Variants in ZNF529 observed in about 807,000 individuals in gnomAD.
ZNF529 encodes zinc finger protein 529.
Under a neutral mutation model 10.1 loss-of-function variants are expected in ZNF529, and 11 were observed. That is an observed-to-expected ratio of 1.09 (90% confidence interval 0.69 to 1.81). The LOEUF (loss-of-function observed/expected upper bound fraction) is 1.81. Ranked by LOEUF, ZNF529 falls within the 40% of genes most tolerant of loss-of-function variation. The probability of loss-of-function intolerance (pLI) is 0.00; values close to 1 mark genes in which losing one functional copy is unlikely to be tolerated. For synonymous variants in ZNF529, 204 were observed against 215.7 expected (o/e 0.95, Z 0.47); for missense variants, 624 against 666.8 (o/e 0.94, Z 0.71).
chr19:36,574,883 A>C (rs1443635058), upstream of ZNF529: 3 of 471,186 alleles, frequency 6.4e-6, no homozygotes, highest in African/African-American at 2.0e-5. Flanking sequence ...ATTTAGAAGA[A>C]AAGTTGCTGG....
intron 1 of ZNF529, among the ~76,000 whole-genome samples, chr19:36,598,040 C>T (rs932194243): frequency 5.3e-5 from 8 of 152,128 alleles, no homozygotes; most frequent in African/African-American, 1.9e-4. Context: ...CAAAGACACA[C>T]GTTCCTAGAG....
rs764627640 is a variant in ZNF529 at position 36,546,746 on chromosome 19, T to C, written c.*120A>G. ...TCTACGTCTACATACAGAATGACCATGAAGTCTAAAAACAGACTTTAAGAG... is the reference window on the plus strand; with the variant it reads ...TCTACGTCTACATACAGAATGACCACGAAGTCTAAAAACAGACTTTAAGAG... On this transcript the variant is annotated 3_prime_UTR_variant, in exon 5 of 5. Transcript: ENST00000591340. 2.5e-5 allele frequency: 26 copies of C among 1,053,892 alleles called. No homozygotes were observed. The highest frequency in any genetic ancestry group is 3.4e-5 in the Non-Finnish European group (25 of 736,004). The allele number at this position is 1,053,892 out of a possible 1,614,324, so 65.3% of individuals were successfully genotyped here. A position where few individuals can be genotyped will look rare whatever the true frequency, so the allele number is the denominator to read the frequency against.
At chr19:36,575,358 C>G (rs908210447), upstream of ZNF529, among the ~76,000 whole-genome samples, 1 of 152,138 alleles carries the variant, frequency 6.6e-6, no homozygotes, top group African/African-American at 2.4e-5. Context: ...ATCATACAAA[C>G]TAAATCCAAT....
In ZNF529 at chr19:36,547,237, C is replaced by A; in HGVS notation, c.1321G>T (p.Glu441Ter). 6.2e-7 allele frequency: 1 copy of A among 1,613,774 alleles called. No homozygotes were observed. Among genetic ancestry groups the A allele is most frequent in the East Asian group, 2.2e-5 (1 of 44,856 alleles). The change falls in exon 5 of 5, where the codon GAA becomes TAA. Residue 441 changes from glutamate to a stop codon, truncating the protein, a stop_gained. Transcript: ENST00000591340. LOFTEE classifies it low-confidence loss of function (END_TRUNC). ...GGTTTTTGACCACTGTGAATTCTTT[C>A]ATGTCGAGTAAGTTCACTACCTACT... Reference protein sequence around the residue: ...FGVGSELTRHERIHSGQKPYE... With the variant: ...FGVGSELTRH
chr19:36,547,376 AT>A lies in ZNF529; in HGVS notation c.1181del (p.Tyr394LeufsTer16). On this transcript the variant is annotated frameshift_variant, in exon 5 of 5. Transcript: ENST00000591340. LOFTEE classifies it low-confidence loss of function (END_TRUNC). The part of the protein sequence containing the change: ...HQRIHTGKKP[Y>X]ECKACGKVFR... Reference sequence around the variant, plus strand: ...AGACCTTTCCACATGCTTTGCATTCATAGGGTTTCTTACCAGTATGAATTCT... The same window carrying A: ...AGACCTTTCCACATGCTTTGCATTCAAGGGTTTCTTACCAGTATGAATTCT... 6.2e-7 allele frequency: 1 copy of A among 1,613,958 alleles called. No individual in the cohort carries two copies.
chr19:36,585,087 A>T (rs1173997517), intron 2 of ZNF529, among the ~76,000 whole-genome samples: 2 of 152,212 alleles, frequency 1.3e-5, no homozygotes, highest in African/African-American at 4.8e-5. Flanking sequence ...TCTGACCAGA[A>T]TAGCACATAA....
chr19:36,595,266 A>G (rs1331519362), intron 1 of ZNF529, among the ~76,000 whole-genome samples: 1 of 152,204 alleles, frequency 6.6e-6, no homozygotes, highest in Non-Finnish European at 1.5e-5. Context: ...AAGAAGAGTG[A>G]ATTTATGACC....
intron 2 of ZNF529, among the ~76,000 whole-genome samples, chr19:36,557,661 T>A (rs2035531842): frequency 6.6e-6 from 1 of 152,206 alleles, no homozygotes; most frequent in Admixed American, 6.5e-5. Context: ...CAAACCATAT[T>A]ACAGTCACTA....
At chr19:36,599,162 A>G (rs910403731) in intron 1 of ZNF529, among the ~76,000 whole-genome samples, 2 of 152,152 alleles carry the variant, frequency 1.3e-5, no homozygotes, top group Admixed American at 1.3e-4. Context: ...TCATAAACCC[A>G]TCCTCAGCAG....
At chr19:36,596,760 T>C (rs1483456209) in intron 1 of ZNF529, among the ~76,000 whole-genome samples, 2 of 152,176 alleles carry the variant, frequency 1.3e-5, no homozygotes, top group Non-Finnish European at 2.9e-5. Flanking sequence ...CCTCAAGTGA[T>C]CTGCCCGCCT....
At chr19:36,553,002 A>G (rs1009169401) in intron 4 of ZNF529, among the ~76,000 whole-genome samples, 1 of 152,216 alleles carries the variant, frequency 6.6e-6, no homozygotes, top group African/African-American at 2.4e-5. Context: ...TGGAAAGCCT[A>G]CCTCTGCAAT....
chr19:36,574,961 T>G (rs745386034), upstream of ZNF529: 1 of 467,966 alleles, frequency 2.1e-6, no homozygotes, highest in Admixed American at 2.4e-5. Context: ...TAGTTGTGAT[T>G]TGTGTGTGTG....
intron 2 of ZNF529, among the ~76,000 whole-genome samples, chr19:36,558,143 A>G (rs2035551239): frequency 6.6e-6 from 1 of 152,168 alleles, no homozygotes; most frequent in Admixed American, 6.5e-5. Flanking sequence ...TGATGAACAG[A>G]GAGAAAACAA....
intron 1 of ZNF529, chr19:36,593,771 C>T (rs2036778882): frequency 6.6e-6 from 1 of 152,112 alleles, no homozygotes; most frequent in African/African-American, 2.4e-5. Flanking sequence ...GAAGTAGAGA[C>T]AAACAGTTCA....
chr19:36,581,556 T>A (rs908663678), intron 2 of ZNF529: 2 of 152,222 alleles, frequency 1.3e-5, no homozygotes, highest in African/African-American at 4.8e-5. Flanking sequence ...CACGGACATG[T>A]GACCCCCAGT....
intron 2 of ZNF529, chr19:36,582,423 C>G (rs904027941): frequency 6.6e-6 from 1 of 151,990 alleles, no homozygotes; most frequent in African/African-American, 2.4e-5. Context: ...GGGCATAAAT[C>G]GGCTGGGCGC....
At chr19:36,583,529 C>A (rs919593013) in intron 2 of ZNF529, among the ~76,000 whole-genome samples, 4 of 148,612 alleles carry the variant, frequency 2.7e-5, no homozygotes, top group African/African-American at 1.0e-4. Flanking sequence ...CATACCTCTG[C>A]CCCACCGAGA....
At chr19:36,556,619 C>A (rs948786378) in intron 2 of ZNF529, among the ~76,000 whole-genome samples, 1 of 152,218 alleles carries the variant, frequency 6.6e-6, no homozygotes, top group African/African-American at 2.4e-5. Flanking sequence ...AGGTTTCCAA[C>A]TGTTGTGTCC....
At chr19:36,593,166 C>T (rs902489124) in intron 1 of ZNF529, among the ~76,000 whole-genome samples, 2 of 152,026 alleles carry the variant, frequency 1.3e-5, no homozygotes, top group Non-Finnish European at 2.9e-5. Flanking sequence ...CTTAAAAATC[C>T]TAAAGAGTAG....
Sources: gnomAD v4.1 joint callset for allele counts (sites outside exome capture counted in the v4.1 genomes callset) on GRCh38, gnomAD v4.1.1 for gene constraint, MANE v1.5 for transcripts, NCBI Gene and HGNC (gene_info 2026-07-23, HGNC 2026-07-21) for gene names.